Variants in NR6A1 observed in about 807,000 individuals in gnomAD.
The protein encoded by NR6A1 is retinoic acid receptor-related testis-associated receptor.
A neutral mutation model predicts 59.1 loss-of-function variants in NR6A1; 7 were observed. That is an observed-to-expected ratio of 0.12 (90% CI 0.07 to 0.22). The LOEUF (loss-of-function observed/expected upper bound fraction) is 0.22, where lower values mean the gene tolerates loss of function less well. Ranked by LOEUF, NR6A1 falls within the 10% of genes least tolerant of loss-of-function variation. NR6A1 has a pLI of 1.00. For missense variants in NR6A1, 468 were observed against 611.6 expected, an observed-to-expected ratio of 0.77 and a Z score of 2.48; for synonymous variants, 243 against 236.1, an observed-to-expected ratio of 1.03 and a Z score of -0.27.
chr9:124,714,198 T>C (rs539165652), intron 2 of NR6A1, among the ~76,000 whole-genome samples: 1 of 152,078 alleles, frequency 6.6e-6, no homozygotes, highest in South Asian at 2.1e-4. Context: ...GACAAATTCA[T>C]AGAGACAAAA....
chr9:124,625,104 A>T (rs1235407377), intron 2 of NR6A1, among the ~76,000 whole-genome samples: 3 of 152,172 alleles, frequency 2.0e-5, no homozygotes, highest in Non-Finnish European at 4.4e-5. Flanking sequence ...GATGTCACAG[A>T]GAGTATAGCC....
chr9:124,651,536 A>G (rs1221500041), intron 2 of NR6A1, among the ~76,000 whole-genome samples: 1 of 152,194 alleles, frequency 6.6e-6, no homozygotes, highest in Non-Finnish European at 1.5e-5. Context: ...CAAAGTAACA[A>G]TTTTACAAAG....
chr9:124,769,845 G>C (rs1489611008), intron 1 of NR6A1, among the ~76,000 whole-genome samples: 2 of 152,220 alleles, frequency 1.3e-5, no homozygotes, highest in Non-Finnish European at 2.9e-5. Flanking sequence ...TGCGCTAATT[G>C]CTCCAGGGCG....
At position 124,519,576 on chromosome 9, in the gene NR6A1, T is replaced by C. The variant is rs1237923304; in HGVS notation, c.*3129A>G. 1 of 152,200 alleles carries C rather than the reference T, an allele frequency of 6.6e-6. No homozygotes were observed. Among genetic ancestry groups the C allele is most frequent in the Non-Finnish European group, 1.5e-5 (1 of 68,042 alleles). The allele number at this position is 152,200 out of a possible 1,614,324, so 9.4% of individuals were successfully genotyped here. On this transcript the variant is annotated 3_prime_UTR_variant, in exon 10 of 10. Coordinates refer to ENST00000487099, the MANE Select transcript of NR6A1 (RefSeq NM_033334.4). Reference sequence around the variant, plus strand: ...GGAGGTGGGATTCTCCTTTTCCATGTAGCTTTCAGAGTCGTATTTTTATGG... The same window carrying C: ...GGAGGTGGGATTCTCCTTTTCCATGCAGCTTTCAGAGTCGTATTTTTATGG...
chr9:124,580,595 G>C (rs1337977500), intron 2 of NR6A1, among the ~76,000 whole-genome samples: 3 of 152,256 alleles, frequency 2.0e-5, no homozygotes, highest in Admixed American at 1.3e-4. Context: ...CTAGGTGGGT[G>C]GATCACTTGA....
intron 2 of NR6A1, among the ~76,000 whole-genome samples, chr9:124,679,028 C>A (rs1468840428): frequency 6.6e-6 from 1 of 152,098 alleles, no homozygotes; most frequent in Non-Finnish European, 1.5e-5. Flanking sequence ...CACAGCAAGA[C>A]CCCTGTCTCT....
chr9:124,695,676 G>T (rs1838731480), intron 2 of NR6A1, among the ~76,000 whole-genome samples: 2 of 152,020 alleles, frequency 1.3e-5, no homozygotes, highest in Admixed American at 1.3e-4. Flanking sequence ...GGCCCGAGGG[G>T]GTCTTTATAG....
intron 2 of NR6A1, among the ~76,000 whole-genome samples, chr9:124,672,434 G>A (rs755042907): frequency 7.9e-5 from 12 of 152,038 alleles, no homozygotes; most frequent in Non-Finnish European, 1.8e-4. Context: ...GGCCAACATA[G>A]TGAAATCCCG....
rs1011600360 is a variant in NR6A1 at position 124,582,579 on chromosome 9, TA to T, written c.143-28010del. ...CACATGTACCCCTGAACTTAAAAGT[TA>T]AAAAAAAAAAAAGAAATGGTTCTGG... On this transcript the variant is annotated intron_variant, in intron 2 of 9. Transcript: ENST00000487099. 2.6e-3 allele frequency among the ~76,000 whole-genome samples: 370 copies of T among 141,456 alleles called. 1 individual carries two copies. The highest frequency in any genetic ancestry group is 7.2e-3 in the Middle Eastern group (2 of 276). The allele number at this position is 141,456 out of a possible 152,430, so 92.8% of individuals were successfully genotyped here.
intron 2 of NR6A1, among the ~76,000 whole-genome samples, chr9:124,583,500 G>A (rs531272374): frequency 7.1e-4 from 108 of 152,204 alleles, no homozygotes; most frequent in African/African-American, 2.3e-3. Flanking sequence ...TTCTAGCAAG[G>A]TACATTAATC....
intron 1 of NR6A1, among the ~76,000 whole-genome samples, chr9:124,739,863 A>C (rs1032461932): frequency 2.6e-5 from 4 of 152,248 alleles, no homozygotes; most frequent in African/African-American, 9.6e-5. Flanking sequence ...TTTTAGTTTG[A>C]CTGTAGGAAG....
intron 2 of NR6A1, among the ~76,000 whole-genome samples, chr9:124,596,716 A>G (rs1225237534): frequency 6.6e-6 from 1 of 152,234 alleles, no homozygotes; most frequent in Non-Finnish European, 1.5e-5. Context: ...AGCACGCAGC[A>G]GAGTGTATAA....
intron 2 of NR6A1, among the ~76,000 whole-genome samples, chr9:124,680,197 G>A (rs1316678143): frequency 6.6e-6 from 1 of 151,680 alleles, no homozygotes; most frequent in Non-Finnish European, 1.5e-5. Context: ...CTTACAAATA[G>A]CTACTAAATG....
At chr9:124,731,419 T>G (rs1839881506) in intron 2 of NR6A1, among the ~76,000 whole-genome samples, 1 of 151,296 alleles carries the variant, frequency 6.6e-6, no homozygotes. Context: ...ATAACTGAAT[T>G]TATCTTTTCC....
In NR6A1 at chr9:124,732,192, G is replaced by C. The variant is rs549099495; in HGVS notation, c.142+1116C>G. Among the ~76,000 whole-genome samples the C allele has an allele frequency of 2.0e-5, 3 of 152,314 alleles. No individual in the cohort carries two copies. The South Asian group carries it at 6.2e-4, about 32-fold the overall frequency. On this transcript the variant is annotated intron_variant, in intron 2 of 9. Coordinates refer to ENST00000487099, the MANE Select transcript of NR6A1 (RefSeq NM_033334.4). Reference sequence around the variant, plus strand: ...ACCTCAGAGCTTGAATCAGCTTCACGATGATGGAAAGGTAAGCTTTATCAC... The same window carrying C: ...ACCTCAGAGCTTGAATCAGCTTCACCATGATGGAAAGGTAAGCTTTATCAC...
chr9:124,734,594 G>T (rs1839970339), intron 1 of NR6A1, among the ~76,000 whole-genome samples: 1 of 152,192 alleles, frequency 6.6e-6, no homozygotes, highest in Admixed American at 6.5e-5. Flanking sequence ...TCGGGAGGCT[G>T]AGGCAGGAGA....
At position 124,566,924 on chromosome 9, in the gene NR6A1, C is replaced by T. The variant is rs1180735850; in HGVS notation, c.143-12354G>A. ...GAGATAGAGACCATCCCGGCTAAAA[C>T]GGTGAAACCCCGTCTCTACTAAAAA... On this transcript the variant is annotated intron_variant, in intron 2 of 9. Coordinates refer to ENST00000487099, the MANE Select transcript of NR6A1 (RefSeq NM_033334.4). 2.0e-5 allele frequency among the ~76,000 whole-genome samples: 3 copies of T among 151,968 alleles called. No homozygotes were observed. The East Asian group carries it at 5.8e-4, about 29-fold the overall frequency.
At chr9:124,601,091 C>G (rs973611968) in intron 2 of NR6A1, among the ~76,000 whole-genome samples, 1 of 151,592 alleles carries the variant, frequency 6.6e-6, no homozygotes, top group African/African-American at 2.4e-5. Context: ...GCCTGGCCAA[C>G]ATGGTGAAAC....
In NR6A1 at chr9:124,528,359, A is replaced by AT. The variant is rs1322345544; in HGVS notation, c.1080-1460dup. 5.3e-5 allele frequency among the ~76,000 whole-genome samples: 8 copies of AT among 152,076 alleles called. No homozygotes were observed. In the South Asian group the frequency reaches 1.2e-3, roughly 24 times the overall value. On this transcript the variant is annotated intron_variant, in intron 7 of 9. Transcript: ENST00000487099. The stretch of plus-strand genomic sequence containing the variant: ...GGGTTCCACCAACTCCATCAAAAAT[A>AT]TTTTTTTTACAAAACAATACAACAA...
Sources: allele counts gnomAD v4.1 joint callset (sites outside exome capture counted in the v4.1 genomes callset), GRCh38; gene constraint gnomAD v4.1.1; transcripts MANE v1.5; gene names NCBI Gene and HGNC (gene_info 2026-07-23, HGNC 2026-07-21).